Variants in HYCC2 observed in about 807,000 individuals in gnomAD.
HYCC2 encodes hyccin 2.
chr2:201,050,850 G>A, the HYCC2 span, among the ~76,000 whole-genome samples: 1 of 150,454 alleles, frequency 6.6e-6, no homozygotes, highest in East Asian at 2.0e-4. Context: ...CAGGAGAATC[G>A]CTTGAACCCA....
the HYCC2 span, among the ~76,000 whole-genome samples, chr2:201,068,512 C>T: frequency 6.6e-6 from 1 of 152,062 alleles, no homozygotes; most frequent in Admixed American, 6.6e-5. Flanking sequence ...GAATTTGTTT[C>T]CAAAATACAT....
the HYCC2 span, among the ~76,000 whole-genome samples, chr2:201,035,334 C>A: frequency 1.3e-5 from 2 of 152,108 alleles, no homozygotes; most frequent in African/African-American, 4.8e-5. Flanking sequence ...CTTCTCTTTT[C>A]GCTTCATTTC....
At chr2:201,058,747 T>C in the HYCC2 span, among the ~76,000 whole-genome samples, 5 of 152,208 alleles carry the variant, frequency 3.3e-5, no homozygotes, top group Admixed American at 1.3e-4. Context: ...TCGAATTACA[T>C]TTGTTTCTTA....
the HYCC2 span, among the ~76,000 whole-genome samples, chr2:201,026,839 C>T: frequency 2.0e-5 from 3 of 152,176 alleles, no homozygotes; most frequent in African/African-American, 7.2e-5. Flanking sequence ...ATTTATAGCA[C>T]TAAATGCCCA....
chr2:201,070,845 G>A, the HYCC2 span, among the ~76,000 whole-genome samples: 2 of 152,028 alleles, frequency 1.3e-5, no homozygotes, highest in Non-Finnish European at 2.9e-5. Context: ...TTTAAAAAAT[G>A]TTGTCAGCCT....
chr2:201,058,411 T>A, the HYCC2 span, among the ~76,000 whole-genome samples: 1 of 152,226 alleles, frequency 6.6e-6, no homozygotes, highest in African/African-American at 2.4e-5. Context: ...TGGTCACCAA[T>A]AGAAATCACA....
the HYCC2 span, among the ~76,000 whole-genome samples, chr2:201,027,166 T>A: frequency 2.0e-5 from 3 of 152,080 alleles, no homozygotes; most frequent in Non-Finnish European, 2.9e-5. Context: ...CAAGCTACCA[T>A]CAGAGAATAC....
the HYCC2 span, among the ~76,000 whole-genome samples, chr2:201,018,572 T>C: frequency 6.6e-6 from 1 of 152,236 alleles, no homozygotes; most frequent in Non-Finnish European, 1.5e-5. Flanking sequence ...GGCTTAGCTC[T>C]GGAAGAATTC....
the HYCC2 span, among the ~76,000 whole-genome samples, chr2:200,986,622 T>C: frequency 1.3e-5 from 2 of 152,194 alleles, no homozygotes; most frequent in African/African-American, 2.4e-5. Context: ...ATACCTACAT[T>C]GTAGAAATAA....
chr2:201,023,124 G>A, the HYCC2 span, among the ~76,000 whole-genome samples: 180 of 152,258 alleles, frequency 1.2e-3, no homozygotes, highest in Non-Finnish European at 2.1e-3. Context: ...CAAGGCAAGC[G>A]TATCACTTGT....
At chr2:201,034,949 TAG>T in the HYCC2 span, among the ~76,000 whole-genome samples, 1 of 152,176 alleles carries the variant, frequency 6.6e-6, no homozygotes, top group African/African-American at 2.4e-5. Flanking sequence ...TTCTGGCTTG[TAG>T]AGTTTCTGCT....
the HYCC2 span, among the ~76,000 whole-genome samples, chr2:201,055,034 G>C: frequency 1.3e-5 from 2 of 151,888 alleles, no homozygotes; most frequent in South Asian, 2.1e-4. Flanking sequence ...GGTATTCAAA[G>C]AGTTGAGTCA....
At chr2:201,037,790 T>A in the HYCC2 span, among the ~76,000 whole-genome samples, 1 of 152,088 alleles carries the variant, frequency 6.6e-6, no homozygotes, top group African/African-American at 2.4e-5. Context: ...ATAAAAACCC[T>A]AGAAGAAAAC....
the HYCC2 span, among the ~76,000 whole-genome samples, chr2:201,039,534 G>T: frequency 2.0e-5 from 3 of 152,290 alleles, no homozygotes; most frequent in Admixed American, 6.5e-5. Flanking sequence ...GCCAAGGTTT[G>T]ATATAAGAGA....
At chr2:201,002,536 T>A in the HYCC2 span, among the ~76,000 whole-genome samples, 6 of 152,058 alleles carry the variant, frequency 3.9e-5, no homozygotes, top group East Asian at 1.2e-3. Flanking sequence ...ATTCTTTTTT[T>A]TTTTTTTGAG....
chr2:201,033,192 T>TGAGAGA, the HYCC2 span, among the ~76,000 whole-genome samples: 37 of 131,812 alleles, frequency 2.8e-4, no homozygotes, highest in African/African-American at 7.9e-4. Flanking sequence ...TGTGTGTGTG[T>TGAGAGA]GTGTGAGAGA....
the HYCC2 span, among the ~76,000 whole-genome samples, chr2:201,030,402 C>T: frequency 2.6e-5 from 4 of 151,890 alleles, no homozygotes; most frequent in Admixed American, 2.0e-4. Flanking sequence ...ACCACTCATT[C>T]CATCCACAAA....
At chr2:201,055,514 C>T in the HYCC2 span, among the ~76,000 whole-genome samples, 3 of 151,592 alleles carry the variant, frequency 2.0e-5, no homozygotes, top group East Asian at 5.8e-4. Context: ...GCCTGGGCAA[C>T]ATGGCAAAAC....
At chr2:201,046,444 G>A in the HYCC2 span, among the ~76,000 whole-genome samples, 2 of 152,100 alleles carry the variant, frequency 1.3e-5, no homozygotes, top group Non-Finnish European at 2.9e-5. Flanking sequence ...AACTTGAAAA[G>A]GGCTAAGGGA....
Sources: gnomAD v4.1 joint callset for allele counts (sites outside exome capture counted in the v4.1 genomes callset) on GRCh38, gnomAD v4.1.1 for gene constraint, MANE v1.5 for transcripts, NCBI Gene and HGNC (gene_info 2026-07-23, HGNC 2026-07-21) for gene names.